Variants in SREK1 observed in about 807,000 individuals in gnomAD.
The protein encoded by SREK1 is splicing regulatory glutamine/lysine-rich protein 1.
In SREK1, 13 loss-of-function variants were observed where a neutral mutation model predicts 66.5. The ratio of observed to expected loss-of-function variants is 0.20; its 90% CI spans 0.13 to 0.31. The LOEUF is 0.31. SREK1 is among the 10% of genes least tolerant of loss of function. The pLI is 1.00. For missense variants in SREK1, 607 were observed against 769.6 expected (o/e 0.79, Z 2.50); for synonymous variants, 265 against 263.5 (o/e 1.01, Z -0.05).
At chr5:66,164,744 G>A (rs1254308618) in intron 6 of SREK1, 39 bp from the exon 7 acceptor site, 1 of 1,613,364 alleles carries the variant, frequency 6.2e-7, no homozygotes, top group Non-Finnish European at 8.5e-7. Context: ...ATCTTTAATT[G>A]TTCTGAGCTT....
intron 6 of SREK1, chr5:66,164,401 C>G: frequency 2.7e-6 from 1 of 364,096 alleles, no homozygotes; most frequent in South Asian, 2.6e-5. Flanking sequence ...AAAACCCATT[C>G]TAAAAACATC....
chr5:66,175,149 T>C (rs1745956787), intron 10 of SREK1, 108 bp downstream of exon 10: 1 of 834,090 alleles, frequency 1.2e-6, no homozygotes, highest in Non-Finnish European at 1.8e-6. Flanking sequence ...GAATGAATAA[T>C]ACATATGCAT....
At chr5:66,153,142 A>T (rs1301544180) in intron 1 of SREK1, among the ~76,000 whole-genome samples, 1 of 152,196 alleles carries the variant, frequency 6.6e-6, no homozygotes. Flanking sequence ...ATTTTTGCTT[A>T]CATATGATAC....
Position 66,179,907 on chromosome 5 carries a change from A to G in SREK1, c.*1039A>G, listed in dbSNP as rs1746370548. The G allele has an allele frequency of 6.6e-6, 1 of 152,588 alleles. No individual in the cohort carries two copies. The highest frequency in any genetic ancestry group is 6.6e-5 in the Admixed American group (1 of 15,264). 9.5% of individuals were successfully genotyped at this position (152,588 alleles called of 1,614,324 possible). ...GAAGAGCTTCTTACTGATTTCACCT[A>G]AAATGAGAAGGAAGTCCTGTTTTCA... On this transcript the variant is annotated 3_prime_UTR_variant, in exon 12 of 12. Coordinates refer to ENST00000334121, the MANE Select transcript of SREK1 (RefSeq NM_001077199.3).
chr5:66,156,970 CT>C, intron 2 of SREK1: 2 of 985,030 alleles, frequency 2.0e-6, no homozygotes, highest in Non-Finnish European at 2.4e-6. Context: ...ATGCTAAATG[CT>C]TATTTGTTTT....
intron 2 of SREK1, among the ~76,000 whole-genome samples, chr5:66,154,679 C>T (rs896505969): frequency 1.3e-5 from 2 of 152,010 alleles, no homozygotes; most frequent in East Asian, 1.9e-4. Flanking sequence ...GTACCAGGCT[C>T]GTATTTTTTA....
Position 66,144,310 on chromosome 5 carries a change from T to C in SREK1, c.-67T>C. The C allele has an allele frequency of 7.5e-7, 1 of 1,334,118 alleles. No homozygotes were observed. 82.6% of individuals were successfully genotyped at this position (1,334,118 alleles called of 1,614,324 possible). A position where few individuals can be genotyped will look rare whatever the true frequency, so the allele number is the denominator to read the frequency against. On this transcript the variant is annotated 5_prime_UTR_variant, in exon 1 of 12. Transcript: ENST00000334121. ...CGCTCGCGGCCGCGCGTTCTCCGCT[T>C]TCCCGGCTCCGTCGCTGACGCGTCG...
intron 7 of SREK1, chr5:66,169,065 A>T (rs1451493596): frequency 6.6e-6 from 1 of 152,104 alleles, no homozygotes; most frequent in East Asian, 1.9e-4. Flanking sequence ...AGATTGTCAG[A>T]CTCCAAAGCT....
At chr5:66,157,761 T>A (rs568285749) in intron 2 of SREK1, 1 of 903,250 alleles carries the variant, frequency 1.1e-6, no homozygotes, top group South Asian at 5.1e-5. Context: ...TAAACTTAGA[T>A]GCTGCAAAGG....
At chr5:66,153,673 G>A (rs1561496245) in intron 2 of SREK1, 77 bp downstream of exon 2, 3 of 1,582,404 alleles carry the variant, frequency 1.9e-6, no homozygotes, top group African/African-American at 1.4e-5. Flanking sequence ...CTAGAGATTG[G>A]CAAGTAGACA....
chr5:66,165,975 A>T (rs1254045164), intron 7 of SREK1: 1 of 152,210 alleles, frequency 6.6e-6, no homozygotes, highest in Non-Finnish European at 1.5e-5. Flanking sequence ...CAGATATACT[A>T]GTGTATACTT....
chr5:66,153,873 A>C (rs1231406120), intron 2 of SREK1: 25 of 341,286 alleles, frequency 7.3e-5, no homozygotes, highest in Non-Finnish European at 5.0e-6. Context: ...GCTTTCTGAA[A>C]TTAAAAAATA....
In SREK1 at chr5:66,179,881, A is replaced by G. The variant is rs1746368147; in HGVS notation, c.*1013A>G. 6.6e-6 allele frequency: 1 copy of G among 152,586 alleles called. No homozygotes were observed. Among genetic ancestry groups the G allele is most frequent in the African/African-American group, 2.4e-5 (1 of 41,448 alleles). The allele number at this position is 152,586 out of a possible 1,614,324, so 9.5% of individuals were successfully genotyped here. A position where few individuals can be genotyped will look rare whatever the true frequency, so the allele number is the denominator to read the frequency against. Reference sequence around the variant, plus strand: ...TAGAGAAGTGTGTAAGTGATATGTCAGAAGAGCTTCTTACTGATTTCACCT... The same window carrying G: ...TAGAGAAGTGTGTAAGTGATATGTCGGAAGAGCTTCTTACTGATTTCACCT... On this transcript the variant is annotated 3_prime_UTR_variant, in exon 12 of 12. Transcript: ENST00000334121.
chr5:66,173,643 G>T (rs1280538545), intron 9 of SREK1, among the ~76,000 whole-genome samples: 2 of 152,178 alleles, frequency 1.3e-5, no homozygotes, highest in African/African-American at 4.8e-5. Flanking sequence ...TCGTCAGCTA[G>T]TAGGTATTAG....
At chr5:66,157,149 G>C (rs574636760) in intron 2 of SREK1, 13 of 944,172 alleles carry the variant, frequency 1.4e-5, no homozygotes, top group Non-Finnish European at 1.5e-5. Context: ...ATTAAAAAAT[G>C]TGCTTATAGT....
At chr5:66,157,236 C>G in intron 2 of SREK1, 2 of 985,046 alleles carry the variant, frequency 2.0e-6, no homozygotes, top group Non-Finnish European at 2.4e-6. Context: ...AGTTTGACAA[C>G]CTACTGATAC....
rs1746375846 is a variant in SREK1 at position 66,179,975 on chromosome 5, A to G, written c.*1107A>G. On this transcript the variant is annotated 3_prime_UTR_variant, in exon 12 of 12. Coordinates refer to ENST00000334121, the MANE Select transcript of SREK1 (RefSeq NM_001077199.3). ...ATGCAGCTTTGGGACCATCAGTTTTATACTGTGATAATTGAAAATGAAACA... is the reference window on the plus strand; with the variant it reads ...ATGCAGCTTTGGGACCATCAGTTTTGTACTGTGATAATTGAAAATGAAACA... 1 of 152,574 alleles carries G rather than the reference A, an allele frequency of 6.6e-6. No homozygotes were observed. The highest frequency in any genetic ancestry group is 1.5e-5 in the Non-Finnish European group (1 of 67,986). 9.5% of individuals were successfully genotyped at this position (152,574 alleles called of 1,614,324 possible). A position where few individuals can be genotyped will look rare whatever the true frequency, so the allele number is the denominator to read the frequency against.
chr5:66,147,729 C>T (rs951579847), intron 1 of SREK1, among the ~76,000 whole-genome samples: 32 of 152,368 alleles, frequency 2.1e-4, no homozygotes, highest in African/African-American at 7.2e-4. Flanking sequence ...GGAAACAGCA[C>T]TTGTGATCCC....
At chr5:66,170,434 T>G (rs1317200680) in intron 8 of SREK1, 151 bp from the exon 9 acceptor site, 51 of 1,170,956 alleles carry the variant, frequency 4.4e-5, no homozygotes, top group Non-Finnish European at 5.5e-5. Flanking sequence ...TTTAGCAGCT[T>G]CTTGTACACC....
Sources: gnomAD v4.1 joint callset for allele counts (sites outside exome capture counted in the v4.1 genomes callset) on GRCh38, gnomAD v4.1.1 for gene constraint, MANE v1.5 for transcripts, NCBI Gene and HGNC (gene_info 2026-07-23, HGNC 2026-07-21) for gene names.